COG5: variants seen among roughly 807,000 people sequenced by gnomAD.
COG5 encodes the protein component of oligomeric golgi complex 5.
A neutral mutation model predicts 110.4 loss-of-function variants in COG5; 86 were observed. The observed-to-expected ratio is 0.78, with a 90% CI of 0.65 to 0.93. The LOEUF (loss-of-function observed/expected upper bound fraction) is 0.93. Among genes scored for constraint, COG5 ranks in the 40% least tolerant of loss-of-function variants. The pLI is 0.00. For missense variants in COG5, 1,077 were observed against 987.0 expected, an observed-to-expected ratio of 1.09 and a Z score of -1.22; for synonymous variants, 360 against 334.6, an observed-to-expected ratio of 1.08 and a Z score of -0.83.
In COG5 at chr7:107,557,969, G is replaced by A. The variant is rs1803450000; in HGVS notation, c.234+7C>T. 5 of 1,613,928 alleles carry A rather than the reference G, an allele frequency of 3.1e-6. No individual in the cohort carries two copies. The highest frequency in any genetic ancestry group is 4.2e-6 in the Non-Finnish European group (5 of 1,179,914). ...TAATCCATAGGGACCCAGAAGATCA[G>A]AATTACCTGTAAGTGTAGTTCTCTG... On this transcript the variant is annotated splice_region_variant and intron_variant, in intron 2 of 21. Coordinates refer to ENST00000297135, the MANE Select transcript of COG5 (RefSeq NM_006348.5).
intron 6 of COG5, among the ~76,000 whole-genome samples, chr7:107,454,003 T>C (rs1795510835): frequency 6.6e-6 from 1 of 152,184 alleles, no homozygotes; most frequent in African/African-American, 2.4e-5. Flanking sequence ...AAAAATTCAT[T>C]AATGATACTA....
intron 17 of COG5, among the ~76,000 whole-genome samples, chr7:107,245,828 A>G (rs1802011417): frequency 6.6e-6 from 1 of 152,184 alleles, no homozygotes; most frequent in African/African-American, 2.4e-5. Flanking sequence ...CTATCAAACT[A>G]CCAATGATAT....
At chr7:107,263,242 G>A (rs1046892635) in intron 14 of COG5, among the ~76,000 whole-genome samples, 2 of 152,134 alleles carry the variant, frequency 1.3e-5, no homozygotes, top group Admixed American at 6.5e-5. Context: ...TTTCCTGTAA[G>A]CTCCTTAAAA....
chr7:107,454,370 A>T (rs1021724293), intron 6 of COG5, among the ~76,000 whole-genome samples: 1 of 152,174 alleles, frequency 6.6e-6, no homozygotes. Flanking sequence ...TTACATTACA[A>T]ATCTGTTGTG....
At chr7:107,325,565 C>T (rs1374568861) in intron 10 of COG5, among the ~76,000 whole-genome samples, 1 of 152,146 alleles carries the variant, frequency 6.6e-6, no homozygotes, top group Non-Finnish European at 1.5e-5. Context: ...GCAGGAGAAT[C>T]ACTTAAACCC....
chr7:107,361,645 T>C (rs1813124181), intron 10 of COG5, among the ~76,000 whole-genome samples: 1 of 152,232 alleles, frequency 6.6e-6, no homozygotes, highest in Non-Finnish European at 1.5e-5. Context: ...CACTGCAACC[T>C]CTGCCTCCTG....
At chr7:107,269,868 G>T (rs577065305) in intron 14 of COG5, among the ~76,000 whole-genome samples, 19 of 152,184 alleles carry the variant, frequency 1.2e-4, no homozygotes, top group Non-Finnish European at 2.6e-4. Context: ...CAGGATCTAG[G>T]ATTAAGGTTA....
At chr7:107,311,555 G>A (rs1055472384) in intron 11 of COG5, among the ~76,000 whole-genome samples, 43 of 149,580 alleles carry the variant, frequency 2.9e-4, no homozygotes, top group East Asian at 9.8e-4. Flanking sequence ...CACCGCGCCC[G>A]GCTAATTTTT....
chr7:107,427,395 T>G (rs978976513), intron 6 of COG5, among the ~76,000 whole-genome samples: 1 of 152,224 alleles, frequency 6.6e-6, no homozygotes. Flanking sequence ...GTGAAAACAC[T>G]GCACACACAA....
Position 107,324,646 on chromosome 7 carries a change from C to A in COG5, c.1027-125G>T. 5 of 585,568 alleles carry A rather than the reference C, an allele frequency of 8.5e-6. No homozygotes were observed. The South Asian group carries it at 1.2e-4, about 14-fold the overall frequency. 36.3% of individuals were successfully genotyped at this position (585,568 alleles called of 1,614,324 possible). A position where few individuals can be genotyped will look rare whatever the true frequency, so the allele number is the denominator to read the frequency against. On this transcript the variant is annotated intron_variant, in intron 10 of 21. Transcript: ENST00000297135. Reference sequence around the variant, plus strand: ...TAAATAAAAATTTTAGACATCTAACCATCAAACAATAGAATTATTAATTAA... The same window carrying A: ...TAAATAAAAATTTTAGACATCTAACAATCAAACAATAGAATTATTAATTAA...
intron 10 of COG5, among the ~76,000 whole-genome samples, chr7:107,329,534 A>G (rs1810065781): frequency 6.6e-6 from 1 of 152,154 alleles, no homozygotes; most frequent in Non-Finnish European, 1.5e-5. Flanking sequence ...ATATAATAGT[A>G]AATCTATATC....
At chr7:107,422,657 A>T (rs28525665) in intron 6 of COG5, among the ~76,000 whole-genome samples, 2,114 of 143,356 alleles carry the variant, frequency 0.015, 52 homozygotes, top group African/African-American at 0.049. Flanking sequence ...TTCCACTAAC[A>T]TCTGTGTTCT....
chr7:107,548,441 T>G, intron 3 of COG5, 109 bp from the exon 4 acceptor site: 1 of 1,044,498 alleles, frequency 9.6e-7, no homozygotes, highest in Middle Eastern at 2.9e-4. Context: ...ACTTTTTTTG[T>G]CACCATCCTA....
intron 6 of COG5, among the ~76,000 whole-genome samples, chr7:107,506,704 T>C (rs780438963): frequency 1.3e-5 from 2 of 152,150 alleles, no homozygotes; most frequent in African/African-American, 2.4e-5. Context: ...CCCCAAGCCA[T>C]ATGCCTTCCC....
intron 12 of COG5, among the ~76,000 whole-genome samples, chr7:107,290,985 A>C (rs913238386): frequency 1.3e-5 from 2 of 152,132 alleles, no homozygotes; most frequent in African/African-American, 4.8e-5. Context: ...TGCTGTTTTC[A>C]GGGTTTTGTC....
chr7:107,539,541 A>G (rs893366481), intron 5 of COG5, among the ~76,000 whole-genome samples: 2 of 152,218 alleles, frequency 1.3e-5, no homozygotes, highest in Non-Finnish European at 2.9e-5. Flanking sequence ...AGCTTGGCGT[A>G]GAGAAGTGGA....
At chr7:107,484,451 G>A (rs571462161) in intron 6 of COG5, among the ~76,000 whole-genome samples, 10 of 152,222 alleles carry the variant, frequency 6.6e-5, no homozygotes, top group African/African-American at 1.9e-4. Flanking sequence ...CTGATTACAT[G>A]TCTCAGCATT....
chr7:107,551,328 C>A (rs1462073731), intron 3 of COG5, among the ~76,000 whole-genome samples: 2 of 152,140 alleles, frequency 1.3e-5, no homozygotes, highest in East Asian at 3.9e-4. Flanking sequence ...AACAAAAACT[C>A]TATTGCTATA....
At chr7:107,374,371 T>C (rs1471412015) in intron 7 of COG5, among the ~76,000 whole-genome samples, 1 of 152,082 alleles carries the variant, frequency 6.6e-6, no homozygotes, top group Non-Finnish European at 1.5e-5. Flanking sequence ...CAAAGAATAC[T>C]TTCACCTCAT....
Sources: gnomAD v4.1 joint callset for allele counts (sites outside exome capture counted in the v4.1 genomes callset) on GRCh38, gnomAD v4.1.1 for gene constraint, MANE v1.5 for transcripts, NCBI Gene and HGNC (gene_info 2026-07-23, HGNC 2026-07-21) for gene names.